OR2L13: variants seen among roughly 807,000 people sequenced by gnomAD.
The protein encoded by OR2L13 is olfactory receptor family 2 subfamily L member 13, also known as olfactory receptor 2L13.
OR2L13 carries 14 observed loss-of-function variants against 15.3 expected under a neutral mutation model. The observed-to-expected ratio is 0.91, with a 90% CI of 0.60 to 1.43. The LOEUF is 1.43. OR2L13 is among the 40% of genes most tolerant of loss of function. The pLI is 0.00. For synonymous variants in OR2L13, 152 were observed against 142.9 expected (o/e 1.06, Z -0.45); for missense variants, 367 against 387.9 (o/e 0.95, Z 0.45).
At chr1:248,074,384 T>TAAA in the OR2L13 span, among the ~76,000 whole-genome samples, 1 of 144,036 alleles carries the variant, frequency 6.9e-6, no homozygotes. Context: ...TAAAATGTGT[T>TAAA]AAAAAAAAAA....
chr1:248,084,473 G>A, the OR2L13 span: 1 of 1,613,080 alleles, frequency 6.2e-7, no homozygotes, highest in Non-Finnish European at 8.5e-7. Flanking sequence ...AGAATCATGA[G>A]GGAATTGCCA....
the OR2L13 span, chr1:247,949,506 T>C: frequency 6.2e-7 from 1 of 1,613,768 alleles, no homozygotes; most frequent in Non-Finnish European, 8.5e-7. Flanking sequence ...TTCATGTTCC[T>C]ATGGCCAGGT....
At chr1:248,084,753 A>T in the OR2L13 span, 41 of 1,176,856 alleles carry the variant, frequency 3.5e-5, no homozygotes, top group East Asian at 7.4e-5. Flanking sequence ...AGATGGTCTC[A>T]TTCAGGGACC....
chr1:248,069,023 G>C, the OR2L13 span, among the ~76,000 whole-genome samples: 4 of 152,182 alleles, frequency 2.6e-5, no homozygotes, highest in Non-Finnish European at 5.9e-5. Context: ...GTGACGGGGA[G>C]AATGGAACCA....
the OR2L13 span, chr1:247,991,265 C>A: frequency 6.3e-6 from 7 of 1,115,026 alleles, no homozygotes; most frequent in African/African-American, 9.7e-5. Flanking sequence ...CAGTGTACGG[C>A]GGTTAAGGAA....
At chr1:248,019,861 A>G in the OR2L13 span, among the ~76,000 whole-genome samples, 4 of 151,996 alleles carry the variant, frequency 2.6e-5, no homozygotes, top group Non-Finnish European at 5.9e-5. Context: ...ATCTTGGCTC[A>G]CTGCAACCTC....
At chr1:247,950,767 G>C in the OR2L13 span, among the ~76,000 whole-genome samples, 4 of 152,080 alleles carry the variant, frequency 2.6e-5, no homozygotes, top group African/African-American at 9.7e-5. Context: ...GTATAGGGGA[G>C]GGGGGATAAA....
At chr1:247,940,876 G>C in the OR2L13 span, among the ~76,000 whole-genome samples, 2 of 152,074 alleles carry the variant, frequency 1.3e-5, no homozygotes, top group African/African-American at 4.8e-5. Context: ...CAGCATATAA[G>C]AATTCCCTTT....
At chr1:247,993,847 T>A in the OR2L13 span, among the ~76,000 whole-genome samples, 1 of 143,378 alleles carries the variant, frequency 7.0e-6, no homozygotes, top group East Asian at 2.1e-4. Context: ...GACCTTGTCA[T>A]GAAAGAGTTT....
chr1:248,040,666 A>C, the OR2L13 span: 1 of 152,204 alleles, frequency 6.6e-6, no homozygotes, highest in Admixed American at 6.5e-5. Context: ...AGAGTAGAGT[A>C]TATAAGACAT....
At chr1:248,019,101 C>T in the OR2L13 span, among the ~76,000 whole-genome samples, 2 of 151,902 alleles carry the variant, frequency 1.3e-5, no homozygotes, top group African/African-American at 4.8e-5. Flanking sequence ...TGAATGTGGC[C>T]ATATAAGTAT....
In OR2L13 at chr1:248,099,681, C is replaced by T. The variant is rs12753704; in HGVS notation, c.306C>T (p.Phe102=). 5 of 1,614,178 alleles carry T rather than the reference C, an allele frequency of 3.1e-6. No individual in the cohort carries two copies. In the South Asian group the frequency reaches 5.5e-5, roughly 18 times the overall value. The change falls in exon 3 of 3, where the codon TTC becomes TTT. Residue 102 remains phenylalanine (F), a synonymous_variant. Coordinates refer to ENST00000641714, the Ensembl canonical transcript of OR2L13. ...TGGGATGTGGTGTGCAAAGCTTCTT[C>T]TTCCTGACCATGGCGTGTTCTGAAG...
chr1:247,966,434 T>A, the OR2L13 span: 1 of 1,238,456 alleles, frequency 8.1e-7, no homozygotes, highest in Non-Finnish European at 1.1e-6. Context: ...ACAGTGTTTA[T>A]CAATCTTGTT....
the OR2L13 span, among the ~76,000 whole-genome samples, chr1:248,050,110 C>T: frequency 6.6e-6 from 1 of 152,094 alleles, no homozygotes; most frequent in Non-Finnish European, 1.5e-5. Context: ...TGAAAGTTCA[C>T]GCCTCCCTCC....
chr1:247,994,314 G>A, the OR2L13 span, among the ~76,000 whole-genome samples: 21 of 152,196 alleles, frequency 1.4e-4, no homozygotes, highest in East Asian at 5.8e-4. Context: ...GGAGAATGGC[G>A]TGAACCCGGG....
chr1:248,084,245 G>A, the OR2L13 span: 1 of 1,611,500 alleles, frequency 6.2e-7, no homozygotes, highest in Middle Eastern at 2.2e-4. Context: ...AGCGGTCATA[G>A]GCCATGGCTG....
At chr1:248,022,339 A>G in the OR2L13 span, 3 of 1,613,900 alleles carry the variant, frequency 1.9e-6, no homozygotes, top group African/African-American at 2.7e-5. Context: ...CCTCTCCACT[A>G]TCCCATCCGT....
At chr1:248,053,702 T>C in the OR2L13 span, among the ~76,000 whole-genome samples, 2 of 152,250 alleles carry the variant, frequency 1.3e-5, no homozygotes, top group Non-Finnish European at 2.9e-5. Context: ...ATTTCTCCAA[T>C]GATCAGTGAT....
chr1:248,069,562 T>A, the OR2L13 span, among the ~76,000 whole-genome samples: 2 of 152,146 alleles, frequency 1.3e-5, no homozygotes, highest in African/African-American at 4.8e-5. Flanking sequence ...AGAAACCGCA[T>A]CAACTGTCGA....
Sources: gnomAD v4.1 joint callset for allele counts (sites outside exome capture counted in the v4.1 genomes callset) on GRCh38, gnomAD v4.1.1 for gene constraint, MANE v1.5 for transcripts, NCBI Gene and HGNC (gene_info 2026-07-23, HGNC 2026-07-21) for gene names.